Variants in PPP2R5E observed in about 807,000 individuals in gnomAD.
PPP2R5E encodes protein phosphatase 2 regulatory subunit B'epsilon, also known as serine/threonine-protein phosphatase 2A 56 kDa regulatory subunit epsilon isoform.
A neutral mutation model predicts 65.3 loss-of-function variants in PPP2R5E; 4 were observed. The ratio of observed to expected loss-of-function variants is 0.06; its 90% CI spans 0.03 to 0.14. The LOEUF is 0.14. PPP2R5E is among the 10% of genes least tolerant of loss of function. The probability of loss-of-function intolerance (pLI) is 1.00; values close to 1 mark genes in which losing one functional copy is unlikely to be tolerated. For synonymous variants in PPP2R5E, 183 were observed against 187.4 expected (o/e 0.98, Z 0.19); for missense variants, 274 against 556.1 (o/e 0.49, Z 5.10).
intron 2 of PPP2R5E, among the ~76,000 whole-genome samples, chr14:63,519,266 G>T (rs1451559805): frequency 2.0e-5 from 3 of 152,190 alleles, no homozygotes; most frequent in African/African-American, 7.2e-5. Context: ...TATTCCTTAT[G>T]ACTGGGTAGG....
At chr14:63,469,824 T>TA (rs1890027324) in intron 2 of PPP2R5E, among the ~76,000 whole-genome samples, 1 of 152,188 alleles carries the variant, frequency 6.6e-6, no homozygotes, top group South Asian at 2.1e-4. Flanking sequence ...TCTTACAAAA[T>TA]TCCTGCCTAA....
At position 63,539,550 on chromosome 14, in the gene PPP2R5E, T is replaced by C. The variant is rs776246979; in HGVS notation, c.136A>G (p.Thr46Ala). The C allele has an allele frequency of 6.2e-7, 1 of 1,614,050 alleles. No individual in the cohort carries two copies. The highest frequency in any genetic ancestry group is 8.5e-7 in the Non-Finnish European group (1 of 1,179,928). ...FRSQGKPIEL[T>A]PLPLLKDVPS... ...TTACCTTTTAGCAGCGGCAGAGGTGTTAACTCAATAGGCTTGCCTTGAGAC... is the reference window on the plus strand; with the variant it reads ...TTACCTTTTAGCAGCGGCAGAGGTGCTAACTCAATAGGCTTGCCTTGAGAC... The change falls in exon 2 of 14, where the codon ACA becomes GCA. Residue 46 changes from threonine to alanine, a missense_variant. Thr to Ala is a moderately conservative substitution (Grantham distance 58). Transcript: ENST00000337537.
At chr14:63,474,886 A>G (rs1308681386) in intron 2 of PPP2R5E, among the ~76,000 whole-genome samples, 2 of 152,188 alleles carry the variant, frequency 1.3e-5, no homozygotes, top group East Asian at 3.9e-4. Flanking sequence ...CCCAACACTT[A>G]CAAGTTGAGT....
At chr14:63,468,461 G>C (rs1475648930) in intron 2 of PPP2R5E, among the ~76,000 whole-genome samples, 1 of 152,210 alleles carries the variant, frequency 6.6e-6, no homozygotes, top group Non-Finnish European at 1.5e-5. Flanking sequence ...GGTGAGATGA[G>C]TCAGCTATCA....
At chr14:63,415,691 A>C (rs902127732) in intron 4 of PPP2R5E, among the ~76,000 whole-genome samples, 1 of 152,158 alleles carries the variant, frequency 6.6e-6, no homozygotes, top group African/African-American at 2.4e-5. Flanking sequence ...TTACATCAAT[A>C]ATATCTCAAC....
At chr14:63,425,127 A>C (rs1178019856) in intron 3 of PPP2R5E, among the ~76,000 whole-genome samples, 1 of 152,248 alleles carries the variant, frequency 6.6e-6, no homozygotes, top group South Asian at 2.1e-4. Context: ...TTCTAGAAGA[A>C]AAGGTAGACC....
chr14:63,472,525 T>C (rs188596481), intron 2 of PPP2R5E, among the ~76,000 whole-genome samples: 20 of 152,346 alleles, frequency 1.3e-4, no homozygotes. Flanking sequence ...AACTTGCATA[T>C]GATTTGGAGT....
rs529433449 is a variant in PPP2R5E at position 63,391,379 on chromosome 14, T to G, written c.954+438A>C. ...TGCCTTATAGAGTTACAATGAGGTT[T>G]AAATGAGATGATGCAGTTTTGCTTT... On this transcript the variant is annotated intron_variant, in intron 10 of 13. Coordinates refer to ENST00000337537, the MANE Select transcript of PPP2R5E (RefSeq NM_006246.5). 2.6e-5 allele frequency among the ~76,000 whole-genome samples: 4 copies of G among 151,224 alleles called. No homozygotes were observed. The East Asian group carries it at 7.9e-4, about 30-fold the overall frequency.
At chr14:63,377,898 A>T (rs1395604406) in intron 13 of PPP2R5E, among the ~76,000 whole-genome samples, 1 of 152,144 alleles carries the variant, frequency 6.6e-6, no homozygotes, top group African/African-American at 2.4e-5. Context: ...TCAGGGTCTC[A>T]TTCTGTTGCT....
chr14:63,399,196 T>C (rs1247062010), intron 5 of PPP2R5E, among the ~76,000 whole-genome samples: 1 of 152,072 alleles, frequency 6.6e-6, no homozygotes, highest in Non-Finnish European at 1.5e-5. Context: ...AACTGATACA[T>C]GTTACAACAT....
intron 2 of PPP2R5E, among the ~76,000 whole-genome samples, chr14:63,533,275 A>C (rs964851232): frequency 1.3e-5 from 2 of 152,224 alleles, no homozygotes; most frequent in Non-Finnish European, 2.9e-5. Flanking sequence ...AAAAGGCACG[A>C]AAACGGCCGG....
intron 13 of PPP2R5E, among the ~76,000 whole-genome samples, chr14:63,376,736 G>T (rs1471738069): frequency 6.6e-6 from 1 of 152,132 alleles, no homozygotes; most frequent in Non-Finnish European, 1.5e-5. Context: ...ACAAAAAAAG[G>T]ATTTTTAACA....
chr14:63,470,507 G>A (rs1379139267), intron 2 of PPP2R5E, among the ~76,000 whole-genome samples: 1 of 150,364 alleles, frequency 6.7e-6, no homozygotes, highest in Non-Finnish European at 1.5e-5. Flanking sequence ...TGTGGTGATT[G>A]ATTATCCTGT....
intron 2 of PPP2R5E, among the ~76,000 whole-genome samples, chr14:63,464,110 CTCACTCTATCAT>C (rs1407192056): frequency 6.6e-6 from 1 of 152,140 alleles, no homozygotes; most frequent in Admixed American, 6.5e-5. Flanking sequence ...TATTCATTCA[CTCACTCTATCAT>C]TCACTGATCC....
In PPP2R5E at chr14:63,543,371, G is replaced by A. The variant is rs1893992826; in HGVS notation, c.-600C>T. 6.5e-6 allele frequency: 1 copy of A among 153,250 alleles called. No individual in the cohort carries two copies. The highest frequency in any genetic ancestry group is 2.4e-5 in the African/African-American group (1 of 41,482). 9.5% of individuals were successfully genotyped at this position (153,250 alleles called of 1,614,324 possible). A position where few individuals can be genotyped will look rare whatever the true frequency, so the allele number is the denominator to read the frequency against. On this transcript the variant is annotated 5_prime_UTR_variant, in exon 1 of 14. Transcript: ENST00000337537. ...TGGCACACGCGCAACCGAACCTTCT[G>A]GCCAGCAGCGCCCGCCTCCGGCGCC...
At chr14:63,433,782 C>T (rs1198677488) in intron 3 of PPP2R5E, among the ~76,000 whole-genome samples, 7 of 152,262 alleles carry the variant, frequency 4.6e-5, no homozygotes, top group Admixed American at 4.6e-4. Flanking sequence ...TACAGACTTT[C>T]CAGCGAATCT....
rs997229810 is a variant in PPP2R5E at position 63,484,469 on chromosome 14, CTAT to C, written c.158-30587_158-30585del. 7.9e-5 allele frequency among the ~76,000 whole-genome samples: 12 copies of C among 151,982 alleles called. No homozygotes were observed. The East Asian group carries it at 1.2e-3, about 15-fold the overall frequency. On this transcript the variant is annotated intron_variant, in intron 2 of 13. Coordinates refer to ENST00000337537, the MANE Select transcript of PPP2R5E (RefSeq NM_006246.5). ...CAGAATGAACTTGCTCACATGAACA[CTAT>C]TATTAGTATTTTTTTCATCTGTCTT...
At chr14:63,384,054 T>C (rs1334309624) in intron 12 of PPP2R5E, among the ~76,000 whole-genome samples, 1 of 152,126 alleles carries the variant, frequency 6.6e-6, no homozygotes, top group African/African-American at 2.4e-5. Context: ...GCTTTTTACA[T>C]CTTTGTGCCT....
At chr14:63,452,722 T>C (rs1460561307) in intron 3 of PPP2R5E, 1 of 152,082 alleles carries the variant, frequency 6.6e-6, no homozygotes, top group Non-Finnish European at 1.5e-5. Context: ...ATCATTCAAG[T>C]GCCTTTGCAA....
Sources: allele counts gnomAD v4.1 joint callset (sites outside exome capture counted in the v4.1 genomes callset), GRCh38; gene constraint gnomAD v4.1.1; transcripts MANE v1.5; gene names NCBI Gene and HGNC (gene_info 2026-07-23, HGNC 2026-07-21).